ITGA8: variants seen among roughly 807,000 people sequenced by gnomAD.
ITGA8 encodes integrin subunit alpha 8, also known as integrin alpha-8.
ITGA8 carries 91 observed loss-of-function variants against 142.3 expected under a neutral mutation model. The ratio of observed to expected loss-of-function variants is 0.64; its 90% CI spans 0.54 to 0.76. ITGA8 has a LOEUF of 0.76. ITGA8 is among the 30% of genes least tolerant of loss of function. The pLI is 0.00. For missense variants in ITGA8, 1,406 were observed against 1,327.7 expected (o/e 1.06, Z -0.92); for synonymous variants, 505 against 485.2 (o/e 1.04, Z -0.54).
chr10:15,655,283 G>C (rs1834162481), intron 11 of ITGA8, 71 bp downstream of exon 11: 4 of 1,042,530 alleles, frequency 3.8e-6, no homozygotes, highest in Non-Finnish European at 5.8e-6. Context: ...GGTGTATTTT[G>C]TGAAGGAAAA....
intron 13 of ITGA8, among the ~76,000 whole-genome samples, chr10:15,616,979 G>A (rs1054600739): frequency 1.3e-5 from 2 of 152,196 alleles, no homozygotes; most frequent in African/African-American, 4.8e-5. Context: ...TAACCCAGAA[G>A]TGGAACGTTC....
intron 2 of ITGA8, among the ~76,000 whole-genome samples, chr10:15,698,146 G>T (rs1835091694): frequency 6.6e-6 from 1 of 152,150 alleles, no homozygotes; most frequent in Non-Finnish European, 1.5e-5. Context: ...ACTTATCAGT[G>T]AGAACATACA....
intron 26 of ITGA8, among the ~76,000 whole-genome samples, chr10:15,557,814 C>T (rs780240252): frequency 2.2e-4 from 33 of 152,218 alleles, no homozygotes; most frequent in Non-Finnish European, 1.3e-4. Context: ...GATTGAAGGT[C>T]ACAGTTGATG....
At chr10:15,699,807 C>T (rs1835128336) in intron 2 of ITGA8, among the ~76,000 whole-genome samples, 1 of 152,144 alleles carries the variant, frequency 6.6e-6, no homozygotes, top group Non-Finnish European at 1.5e-5. Context: ...GTGAGGGATT[C>T]TCAACTTTTG....
intron 10 of ITGA8, among the ~76,000 whole-genome samples, chr10:15,656,332 A>T (rs886477595): frequency 1.3e-5 from 2 of 152,096 alleles, no homozygotes; most frequent in Admixed American, 6.6e-5. Context: ...GAGTGTACAC[A>T]GTGTACCATA....
At chr10:15,597,034 G>A (rs1008188590) in intron 21 of ITGA8, 173 bp downstream of exon 21, 80 of 593,388 alleles carry the variant, frequency 1.3e-4, no homozygotes, top group African/African-American at 1.2e-3. Flanking sequence ...AGCTTGAGAC[G>A]ATTCACTCTG....
chr10:15,719,473 G>T, intron 1 of ITGA8, 90 bp downstream of exon 1: 2 of 1,226,720 alleles, frequency 1.6e-6, no homozygotes, highest in Non-Finnish European at 2.2e-6. Flanking sequence ...GGGATCCCAG[G>T]CTGCGGGGGG....
rs1245286516 is a variant in ITGA8, at chr10:15,516,939, C to T, written c.*219G>A. On this transcript the variant is annotated 3_prime_UTR_variant, in exon 30 of 30. Transcript: ENST00000378076. ...GAAAATCTTCCACAATTGCTGATGG[C>T]TTCTCCAGCTTTGGTGTTTCCTTTT... 4.6e-6 allele frequency: 2 copies of T among 430,564 alleles called. No homozygotes were observed. Among genetic ancestry groups the T allele is most frequent in the Non-Finnish European group, 8.3e-6 (2 of 240,168 alleles). 26.7% of individuals were successfully genotyped at this position (430,564 alleles called of 1,614,324 possible).
intron 11 of ITGA8, among the ~76,000 whole-genome samples, chr10:15,647,445 T>C (rs931398330): frequency 2.0e-5 from 3 of 147,886 alleles, no homozygotes; most frequent in African/African-American, 7.4e-5. Context: ...ATTTAAATTA[T>C]TCAGTTTTTT....
rs202114137 is a variant in ITGA8, at chr10:15,597,321, G to T, written c.2119-22C>A. On this transcript the variant is annotated intron_variant, in intron 20 of 29. Transcript: ENST00000378076. Reference sequence around the variant, plus strand: ...ATCCCTACAATTGCAAAGAACAGGGGGTTTAGGGGGCAGGATAAATGACAT... The same window carrying T: ...ATCCCTACAATTGCAAAGAACAGGGTGTTTAGGGGGCAGGATAAATGACAT... The T allele has an allele frequency of 1.8e-5, 29 of 1,583,828 alleles. No individual in the cohort carries two copies. In the Admixed American group the frequency reaches 4.7e-4, roughly 25 times the overall value.
chr10:15,562,693 GTGT>G (rs1330479346), intron 25 of ITGA8, among the ~76,000 whole-genome samples: 1 of 152,210 alleles, frequency 6.6e-6, no homozygotes, highest in Non-Finnish European at 1.5e-5. Flanking sequence ...GTAGCTTGAG[GTGT>G]TGTTGACCAG....
intron 28 of ITGA8, among the ~76,000 whole-genome samples, chr10:15,521,310 C>T (rs115340963): frequency 1.7e-3 from 253 of 152,316 alleles, no homozygotes; most frequent in African/African-American, 5.8e-3. Flanking sequence ...AGGTGTGAGC[C>T]ACTGTGCCCA....
intron 3 of ITGA8, among the ~76,000 whole-genome samples, chr10:15,687,159 G>A (rs1207863324): frequency 6.6e-6 from 1 of 151,956 alleles, no homozygotes; most frequent in Non-Finnish European, 1.5e-5. Flanking sequence ...AATCTTTTTG[G>A]GGTTAACAGA....
At chr10:15,600,610 C>T (rs6602048) in intron 20 of ITGA8, among the ~76,000 whole-genome samples, 16 of 152,154 alleles carry the variant, frequency 1.1e-4, no homozygotes, top group African/African-American at 3.6e-4. Flanking sequence ...CATTATCTGA[C>T]GGATTTGGAT....
At chr10:15,610,463 T>A (rs897617082) in intron 15 of ITGA8, among the ~76,000 whole-genome samples, 6 of 151,390 alleles carry the variant, frequency 4.0e-5, no homozygotes, top group African/African-American at 9.7e-5. Flanking sequence ...TATTGGTCAT[T>A]TTCAGTATGG....
chr10:15,702,192 A>G (rs1835176532), intron 2 of ITGA8, among the ~76,000 whole-genome samples: 1 of 152,130 alleles, frequency 6.6e-6, no homozygotes, highest in African/African-American at 2.4e-5. Context: ...TCACGTATGC[A>G]TACTATATAC....
At chr10:15,677,486 G>T in intron 6 of ITGA8, 106 bp downstream of exon 6, 1 of 834,598 alleles carries the variant, frequency 1.2e-6, no homozygotes, top group Non-Finnish European at 1.9e-6. Context: ...TATGAATAAG[G>T]ATATAAAATT....
At chr10:15,667,497 GT>G (rs1564399926) in intron 8 of ITGA8, among the ~76,000 whole-genome samples, 1 of 152,096 alleles carries the variant, frequency 6.6e-6, no homozygotes, top group African/African-American at 2.4e-5. Context: ...TTGTTGAAGA[GT>G]TTTTTGTGTC....
At chr10:15,601,111 C>T (rs1054987349) in intron 20 of ITGA8, among the ~76,000 whole-genome samples, 11 of 151,968 alleles carry the variant, frequency 7.2e-5, no homozygotes, top group African/African-American at 2.4e-4. Flanking sequence ...TGGTGGTGGG[C>T]GCCTGTAATC....
Sources: gnomAD v4.1 joint callset for allele counts (sites outside exome capture counted in the v4.1 genomes callset) on GRCh38, gnomAD v4.1.1 for gene constraint, MANE v1.5 for transcripts, NCBI Gene and HGNC (gene_info 2026-07-23, HGNC 2026-07-21) for gene names.